Variants in TRMT9B observed in about 807,000 individuals in gnomAD.
The protein encoded by TRMT9B is tRNA methyltransferase 9B (putative).
A neutral mutation model predicts 11.5 loss-of-function variants in TRMT9B; 16 were observed. That is an observed-to-expected ratio of 1.39 (90% CI 0.94 to 2.11). The LOEUF is 2.11. Ranked by LOEUF, TRMT9B falls within the 30% of genes most tolerant of loss-of-function variation. The pLI is 0.00. For synonymous variants in TRMT9B, 274 were observed against 192.4 expected, an observed-to-expected ratio of 1.42 and a Z score of -3.51; for missense variants, 941 against 553.8, an observed-to-expected ratio of 1.70 and a Z score of -7.02.
chr8:12,950,541 C>CTTTCT (rs1800517883), intron 1 of TRMT9B, among the ~76,000 whole-genome samples: 1 of 151,296 alleles, frequency 6.6e-6, no homozygotes, highest in Admixed American at 6.6e-5. Flanking sequence ...GTGGTTTTTT[C>CTTTCT]TTTCTTTCTT....
chr8:12,953,984 A>G (rs114476557), intron 1 of TRMT9B, among the ~76,000 whole-genome samples: 1,735 of 152,350 alleles, frequency 0.011, 30 homozygotes, highest in African/African-American at 0.039. Context: ...CAATTACCGT[A>G]ATGATGTTCT....
At chr8:13,001,576 C>G (rs1335270962) in intron 2 of TRMT9B, among the ~76,000 whole-genome samples, 1 of 152,202 alleles carries the variant, frequency 6.6e-6, no homozygotes, top group Non-Finnish European at 1.5e-5. Flanking sequence ...TTGGAAAACA[C>G]TAAATTAACA....
chr8:12,979,547 CT>C (rs1488999932), intron 1 of TRMT9B, among the ~76,000 whole-genome samples: 1 of 152,118 alleles, frequency 6.6e-6, no homozygotes, highest in Non-Finnish European at 1.5e-5. Context: ...GCCTTCCTGC[CT>C]TCTTGAATTC....
At chr8:12,977,944 G>A (rs1390883102) in intron 1 of TRMT9B, among the ~76,000 whole-genome samples, 2 of 152,164 alleles carry the variant, frequency 1.3e-5, no homozygotes, top group African/African-American at 2.4e-5. Context: ...TGGGAAGACT[G>A]CTTGAGCCTG....
intron 3 of TRMT9B, chr8:13,007,131 G>T (rs145944111): frequency 2.0e-4 from 30 of 152,256 alleles, no homozygotes; most frequent in African/African-American, 7.0e-4. Flanking sequence ...GTTCTCCTCT[G>T]GTGGCTCACT....
At chr8:12,961,036 GA>G (rs1175973556) in intron 1 of TRMT9B, among the ~76,000 whole-genome samples, 1 of 152,132 alleles carries the variant, frequency 6.6e-6, no homozygotes, top group Non-Finnish European at 1.5e-5. Context: ...AGCTACTCGG[GA>G]GGCTGAGGCA....
chr8:13,016,229 T>A (rs1812657108), intron 4 of TRMT9B, among the ~76,000 whole-genome samples: 1 of 114,152 alleles, frequency 8.8e-6, no homozygotes, highest in Non-Finnish European at 1.8e-5. Context: ...AAATGTGAAA[T>A]ATATATTATA....
intron 1 of TRMT9B, among the ~76,000 whole-genome samples, chr8:12,974,422 C>T (rs2460899): frequency 0.33 from 49,641 of 151,784 alleles, 8,456 homozygotes; most frequent in East Asian, 0.6. Context: ...GAAGTGAGAA[C>T]GTTTTGTGAC....
chr8:12,992,720 G>A (rs541050797), intron 2 of TRMT9B, among the ~76,000 whole-genome samples: 141 of 152,058 alleles, frequency 9.3e-4, no homozygotes, highest in Middle Eastern at 3.4e-3. Flanking sequence ...AAAAAGCCAG[G>A]TGTGACGGCA....
rs1283467744 is a variant in TRMT9B, at chr8:12,945,850, T to G, written c.-316T>G. ...TCCTTCAACTTATTCAGTACTTCCA[T>G]GTGCAGGGCTCTGGACTAGACTTTC... On this transcript the variant is annotated 5_prime_UTR_variant, in exon 1 of 5. An upstream start codon of the reference 5' UTR is lost. Coordinates refer to ENST00000524591, the MANE Select transcript of TRMT9B (RefSeq NM_020844.3). 1 of 152,196 alleles carries G rather than the reference T, an allele frequency of 6.6e-6. No homozygotes were observed. The highest frequency in any genetic ancestry group is 2.1e-4 in the South Asian group (1 of 4,828). 9.4% of individuals were successfully genotyped at this position (152,196 alleles called of 1,614,324 possible). A position where few individuals can be genotyped will look rare whatever the true frequency, so the allele number is the denominator to read the frequency against.
chr8:12,952,136 G>A (rs1435545805), intron 1 of TRMT9B: 1 of 450,912 alleles, frequency 2.2e-6, no homozygotes, highest in Non-Finnish European at 4.5e-6. Context: ...CTGGCTGCGG[G>A]ACAGCGCTGT....
chr8:12,990,949 G>A lies in TRMT9B; in HGVS notation c.-84G>A, dbSNP rs1384257626. Reference sequence around the variant, plus strand: ...TTACACATTGAGAAAGTTATGAGAAGCAACTGTCACTCTCTGGAGGTGGAG... The same window carrying A: ...TTACACATTGAGAAAGTTATGAGAAACAACTGTCACTCTCTGGAGGTGGAG... On this transcript the variant is annotated 5_prime_UTR_variant, in exon 2 of 5. Coordinates refer to ENST00000524591, the MANE Select transcript of TRMT9B (RefSeq NM_020844.3). 1 of 1,288,876 alleles carries A rather than the reference G, an allele frequency of 7.8e-7. No homozygotes were observed. The highest frequency in any genetic ancestry group is 1.0e-6 in the Non-Finnish European group (1 of 988,386). 79.8% of individuals were successfully genotyped at this position (1,288,876 alleles called of 1,614,324 possible).
In TRMT9B at chr8:13,021,296, A is replaced by G; in HGVS notation, c.617A>G (p.Gln206Arg). The part of the protein sequence containing the change: ...ECSCSVCFKE[Q>R]CGSKRSHSVG... ...AGCTGTTCTGTTTGTTTTAAAGAGC[A>G]GTGTGGTTCAAAACGGTCCCACAGC... The change falls in exon 5 of 5, where the codon CAG (glutamine) becomes CGG (arginine). Residue 206 changes from glutamine to arginine, a missense_variant. Gln to Arg is a conservative substitution (Grantham distance 43, BLOSUM62 1). Transcript: ENST00000524591. 6.2e-7 allele frequency: 1 copy of G among 1,614,032 alleles called. No homozygotes were observed. The highest frequency in any genetic ancestry group is 8.5e-7 in the Non-Finnish European group (1 of 1,179,888).
At chr8:13,012,559 A>T in intron 3 of TRMT9B, 125 bp from the exon 4 acceptor site, 6 of 1,239,126 alleles carry the variant, frequency 4.8e-6, no homozygotes, top group Non-Finnish European at 6.4e-6. Flanking sequence ...TGGGTGACTG[A>T]GGGAGACTCT....
intron 2 of TRMT9B, among the ~76,000 whole-genome samples, chr8:13,000,929 A>G (rs1809316496): frequency 6.6e-6 from 1 of 152,118 alleles, no homozygotes; most frequent in Non-Finnish European, 1.5e-5. Flanking sequence ...TCAGGACGCA[A>G]GGCTGGTACT....
chr8:13,004,455 C>T (rs778255890), intron 2 of TRMT9B, among the ~76,000 whole-genome samples: 4 of 151,762 alleles, frequency 2.6e-5, no homozygotes, highest in Non-Finnish European at 5.9e-5. Context: ...AGGATTTTGT[C>T]TTGTATTTTG....
At chr8:12,952,081 C>G (rs539924157) in intron 1 of TRMT9B, 1 of 388,290 alleles carries the variant, frequency 2.6e-6, no homozygotes, top group Non-Finnish European at 5.2e-6. Context: ...GTGGAAGTTA[C>G]ACCTGGTGCA....
At chr8:12,994,887 G>A (rs1383746374) in intron 2 of TRMT9B, among the ~76,000 whole-genome samples, 1 of 152,114 alleles carries the variant, frequency 6.6e-6, no homozygotes, top group East Asian at 1.9e-4. Context: ...TCTCCATGTT[G>A]GTCAGGCTGG....
At chr8:13,008,063 T>C (rs1213056852) in intron 3 of TRMT9B, among the ~76,000 whole-genome samples, 3 of 152,222 alleles carry the variant, frequency 2.0e-5, no homozygotes, top group African/African-American at 7.2e-5. Flanking sequence ...AATGTTGGAT[T>C]AGGCTCCTGT....
Sources: gnomAD v4.1 joint callset for allele counts (sites outside exome capture counted in the v4.1 genomes callset) on GRCh38, gnomAD v4.1.1 for gene constraint, MANE v1.5 for transcripts, NCBI Gene and HGNC (gene_info 2026-07-23, HGNC 2026-07-21) for gene names.